Variants in FHOD3 observed in about 807,000 individuals in gnomAD.
FHOD3 encodes FH1/FH2 domain-containing protein 3.
In FHOD3, 90 loss-of-function variants were observed where a neutral mutation model predicts 173.0. The observed-to-expected ratio is 0.52, with a 90% CI of 0.44 to 0.62. The LOEUF is 0.62. Ranked by LOEUF, FHOD3 falls within the 20% of genes least tolerant of loss-of-function variation. The pLI is 0.00. For missense variants in FHOD3, 1,945 were observed against 2,034.7 expected (o/e 0.96, Z 0.85); for synonymous variants, 828 against 823.0 (o/e 1.01, Z -0.10).
At chr18:36,701,551 A>G (rs543427396) in intron 17 of FHOD3, among the ~76,000 whole-genome samples, 4 of 152,298 alleles carry the variant, frequency 2.6e-5, no homozygotes, top group Admixed American at 2.0e-4. Flanking sequence ...AATCCTGTCT[A>G]ACATTCATAT....
intron 4 of FHOD3, among the ~76,000 whole-genome samples, chr18:36,502,982 A>G (rs1341211010): frequency 6.6e-6 from 1 of 152,180 alleles, no homozygotes; most frequent in Admixed American, 6.5e-5. Flanking sequence ...TGTTTTATTC[A>G]TTCTTCTATT....
chr18:36,726,826 C>T (rs1326115182), intron 19 of FHOD3, among the ~76,000 whole-genome samples: 1 of 152,184 alleles, frequency 6.6e-6, no homozygotes, highest in Non-Finnish European at 1.5e-5. Flanking sequence ...AGGCACGTGC[C>T]ACCATACCCA....
Position 36,426,860 on chromosome 18 carries a change from T to C in FHOD3, c.337+54116T>C, listed in dbSNP as rs77062651. ...TCCATAAAACCCAAAGAGTGTGCCC[T>C]AAGTCACATAGTTATAAATGGTTTT... On this transcript the variant is annotated intron_variant, in intron 3 of 28. Transcript: ENST00000590592. 6.1e-3 allele frequency among the ~76,000 whole-genome samples: 935 copies of C among 152,206 alleles called. 8 individuals are homozygous for C. Among genetic ancestry groups the C allele is most frequent in the African/African-American group, 0.022 (902 of 41,524 alleles).
intron 6 of FHOD3, among the ~76,000 whole-genome samples, chr18:36,593,885 C>A (rs1432725462): frequency 6.6e-6 from 1 of 152,176 alleles, no homozygotes; most frequent in Admixed American, 6.6e-5. Flanking sequence ...AATGTACAGC[C>A]CGAGGCAACC....
At chr18:36,472,722 C>G (rs568971762) in intron 3 of FHOD3, among the ~76,000 whole-genome samples, 26 of 152,296 alleles carry the variant, frequency 1.7e-4, no homozygotes, top group African/African-American at 6.0e-4. Flanking sequence ...CAGCTTCATC[C>G]ATGTTGTAAC....
chr18:36,591,227 C>T (rs1446073592), intron 6 of FHOD3, among the ~76,000 whole-genome samples: 2 of 152,290 alleles, frequency 1.3e-5, no homozygotes, highest in South Asian at 2.1e-4. Context: ...GAGAAGCAAT[C>T]GTGGGCCTCA....
At chr18:36,386,897 C>A (rs181054267) in intron 3 of FHOD3, among the ~76,000 whole-genome samples, 1 of 152,250 alleles carries the variant, frequency 6.6e-6, no homozygotes, top group Non-Finnish European at 1.5e-5. Context: ...ATGGGCCAGG[C>A]AAGAGACGAC....
chr18:36,697,102 CTAA>C (rs771193535), intron 17 of FHOD3, among the ~76,000 whole-genome samples: 35 of 152,252 alleles, frequency 2.3e-4, no homozygotes, highest in Non-Finnish European at 4.3e-4. Flanking sequence ...AGGATGAAAA[CTAA>C]TAATAATAAT....
At position 36,779,922 on chromosome 18, in the gene FHOD3, T is replaced by A; in HGVS notation, c.*392T>A. ...TCTCCACAACACCAAAATATCCAGA[T>A]GTAAACCCCAAACTTGTACACAAAA... On this transcript the variant is annotated 3_prime_UTR_variant, in exon 29 of 29. Transcript: ENST00000590592. 2.3e-6 allele frequency: 1 copy of A among 426,588 alleles called. No homozygotes were observed. The allele number at this position is 426,588 out of a possible 1,614,324, so 26.4% of individuals were successfully genotyped here. A position where few individuals can be genotyped will look rare whatever the true frequency, so the allele number is the denominator to read the frequency against.
intron 3 of FHOD3, among the ~76,000 whole-genome samples, chr18:36,486,621 A>T (rs2054206262): frequency 6.6e-6 from 1 of 152,246 alleles, no homozygotes; most frequent in East Asian, 1.9e-4. Context: ...AATATTTAAG[A>T]GTTAGAACTA....
intron 28 of FHOD3, among the ~76,000 whole-genome samples, chr18:36,774,209 C>T (rs1372141489): frequency 1.3e-5 from 2 of 152,306 alleles, no homozygotes; most frequent in Non-Finnish European, 2.9e-5. Context: ...TACCTAGGAA[C>T]CAAAAAGAGT....
chr18:36,628,567 G>A (rs1213144569), intron 10 of FHOD3, among the ~76,000 whole-genome samples: 2 of 152,140 alleles, frequency 1.3e-5, no homozygotes, highest in African/African-American at 4.8e-5. Flanking sequence ...TGGTTTCTTA[G>A]GAAATACAAC....
At chr18:36,469,661 G>A (rs570347162) in intron 3 of FHOD3, among the ~76,000 whole-genome samples, 3 of 152,280 alleles carry the variant, frequency 2.0e-5, no homozygotes, top group African/African-American at 7.2e-5. Flanking sequence ...AACTTGGCAG[G>A]CATGTCAGGC....
At chr18:36,537,855 C>A (rs1417275802) in intron 5 of FHOD3, among the ~76,000 whole-genome samples, 1 of 152,146 alleles carries the variant, frequency 6.6e-6, no homozygotes, top group Non-Finnish European at 1.5e-5. Flanking sequence ...TAATCACCAT[C>A]TACAGAACAC....
intron 3 of FHOD3, among the ~76,000 whole-genome samples, chr18:36,393,686 A>G (rs970021498): frequency 6.6e-6 from 1 of 152,148 alleles, no homozygotes; most frequent in Non-Finnish European, 1.5e-5. Context: ...TGTGTGCCCA[A>G]CTAGACCTGG....
intron 25 of FHOD3, among the ~76,000 whole-genome samples, chr18:36,757,119 T>C (rs1393303902): frequency 2.6e-5 from 4 of 152,266 alleles, no homozygotes; most frequent in Non-Finnish European, 5.9e-5. Context: ...ATCCCACTAA[T>C]TTTTAAATTC....
intron 5 of FHOD3, among the ~76,000 whole-genome samples, chr18:36,519,186 C>T (rs4799423): frequency 0.4 from 60,756 of 152,030 alleles, 13,196 homozygotes; most frequent in Non-Finnish European, 0.49. Flanking sequence ...CCAGCCTGTA[C>T]GGGTGCAGAG....
intron 3 of FHOD3, among the ~76,000 whole-genome samples, chr18:36,421,548 G>A (rs1393712826): frequency 6.6e-6 from 1 of 152,188 alleles, no homozygotes; most frequent in African/African-American, 2.4e-5. Flanking sequence ...ATAGTGATTG[G>A]CTTAACTTTT....
intron 19 of FHOD3, among the ~76,000 whole-genome samples, chr18:36,720,999 C>T (rs1157068767): frequency 1.3e-5 from 2 of 152,170 alleles, no homozygotes; most frequent in Non-Finnish European, 2.9e-5. Flanking sequence ...AAAATTAATG[C>T]TTCACCTACC....
Sources: allele counts gnomAD v4.1 joint callset (sites outside exome capture counted in the v4.1 genomes callset), GRCh38; gene constraint gnomAD v4.1.1; transcripts MANE v1.5; gene names NCBI Gene and HGNC (gene_info 2026-07-23, HGNC 2026-07-21).